The following GFRA1 variants were observed in gnomAD, a reference collection of about 807,000 sequenced individuals.
GFRA1 encodes GDNF family receptor alpha-1.
Under a neutral mutation model 51.6 loss-of-function variants are expected in GFRA1, and 16 were observed. The ratio of observed to expected loss-of-function variants is 0.31; its 90% CI spans 0.21 to 0.47. The LOEUF (loss-of-function observed/expected upper bound fraction) is 0.47, where lower values mean the gene tolerates loss of function less well. Among genes scored for constraint, GFRA1 ranks in the 20% least tolerant of loss-of-function variants. The pLI is 1.00. For synonymous variants in GFRA1, 270 were observed against 241.3 expected (o/e 1.12, Z -1.10); for missense variants, 530 against 594.3 (o/e 0.89, Z 1.13).
chr10:116,174,126 T>C (rs904532295), intron 5 of GFRA1, among the ~76,000 whole-genome samples: 3 of 126,570 alleles, frequency 2.4e-5, no homozygotes, highest in Non-Finnish European at 4.9e-5. Flanking sequence ...CCTGGTCTTT[T>C]CAACAAATTA....
chr10:116,099,388 C>A (rs1198921102), intron 6 of GFRA1, among the ~76,000 whole-genome samples: 2 of 152,144 alleles, frequency 1.3e-5, no homozygotes, highest in Non-Finnish European at 2.9e-5. Context: ...TAGTAAATCC[C>A]ACTGATAAAG....
intron 5 of GFRA1, among the ~76,000 whole-genome samples, chr10:116,129,394 C>G (rs1345942272): frequency 1.3e-5 from 2 of 152,110 alleles, no homozygotes; most frequent in African/African-American, 2.4e-5. Flanking sequence ...ATATGTAATT[C>G]ACTGCACTAA....
chr10:116,191,358 T>C (rs1208168079), intron 5 of GFRA1, among the ~76,000 whole-genome samples: 1 of 152,206 alleles, frequency 6.6e-6, no homozygotes, highest in African/African-American at 2.4e-5. Context: ...TTTCACCATA[T>C]GTTGCCAAAT....
intron 4 of GFRA1, among the ~76,000 whole-genome samples, chr10:116,216,844 A>G (rs1965597737): frequency 6.6e-6 from 1 of 152,018 alleles, no homozygotes; most frequent in South Asian, 2.1e-4. Context: ...AAGGAAGGGA[A>G]CAGCTGGAAT....
chr10:116,212,690 T>C (rs1167785952), intron 4 of GFRA1, among the ~76,000 whole-genome samples: 1 of 152,192 alleles, frequency 6.6e-6, no homozygotes, highest in Non-Finnish European at 1.5e-5. Context: ...TTGGCTTCTT[T>C]TGGAGTCATC....
At position 116,145,127 on chromosome 10, in the gene GFRA1, C is replaced by T. The variant is rs528845564; in HGVS notation, c.434-19570G>A. Among the ~76,000 whole-genome samples the T allele has an allele frequency of 2.4e-3, 210 of 89,262 alleles. 2 individuals are homozygous for T. The highest frequency in any genetic ancestry group is 1.3e-3 in the Admixed American group (7 of 5,370). The allele number at this position is 89,262 out of a possible 152,430, so 58.6% of individuals were successfully genotyped here. A position where few individuals can be genotyped will look rare whatever the true frequency, so the allele number is the denominator to read the frequency against. On this transcript the variant is annotated intron_variant, in intron 5 of 10. Transcript: ENST00000355422. ...TCATGCCACTGCACTCCAGCCTGGG[C>T]GACAGAACGAGACTCTGTCTCAAAA...
Position 116,060,798 on chromosome 10 carries a change from A to C in GFRA1, c.*3600T>G, listed in dbSNP as rs893744023. Reference sequence around the variant, plus strand: ...TTTCTGGTCCACAGTTTATTGATTCAAGTACATCGTGCATGTCTAACTAAC... The same window carrying C: ...TTTCTGGTCCACAGTTTATTGATTCCAGTACATCGTGCATGTCTAACTAAC... On this transcript the variant is annotated 3_prime_UTR_variant, in exon 11 of 11. Transcript: ENST00000355422. The C allele has an allele frequency of 7.0e-6, 1 of 143,758 alleles. No homozygotes were observed. Among genetic ancestry groups the C allele is most frequent in the Non-Finnish European group, 1.5e-5 (1 of 66,922 alleles). The allele number at this position is 143,758 out of a possible 1,614,324, so 8.9% of individuals were successfully genotyped here.
At chr10:116,118,867 G>C (rs1957534040) in intron 6 of GFRA1, among the ~76,000 whole-genome samples, 1 of 152,216 alleles carries the variant, frequency 6.6e-6, no homozygotes, top group African/African-American at 2.4e-5. Flanking sequence ...CTGAGCTTGG[G>C]CAGATGCAGG....
intron 6 of GFRA1, among the ~76,000 whole-genome samples, chr10:116,103,958 A>C (rs959583758): frequency 3.9e-5 from 6 of 152,132 alleles, no homozygotes; most frequent in African/African-American, 1.2e-4. Context: ...TTTGCCTAGG[A>C]GTAGGCTACG....
At chr10:116,128,989 A>G (rs1957992366) in intron 5 of GFRA1, among the ~76,000 whole-genome samples, 1 of 152,084 alleles carries the variant, frequency 6.6e-6, no homozygotes, top group Admixed American at 6.6e-5. Context: ...ATTTTCATCT[A>G]TATATAACTC....
At position 116,059,981 on chromosome 10, in the gene GFRA1, A is replaced by C. The variant is rs1051007381; in HGVS notation, c.*4417T>G. 6.6e-6 allele frequency: 1 copy of C among 152,224 alleles called. No homozygotes were observed. The highest frequency in any genetic ancestry group is 1.5e-5 in the Non-Finnish European group (1 of 68,034). The allele number at this position is 152,224 out of a possible 1,614,324, so 9.4% of individuals were successfully genotyped here. ...AATTGGGGAGGGCAATACTTAGGCA[A>C]TAAAGAACAAGGTGGTGGAGGGAGG... On this transcript the variant is annotated 3_prime_UTR_variant, in exon 11 of 11. Transcript: ENST00000355422.
chr10:116,143,037 A>G (rs1958638023), intron 5 of GFRA1, among the ~76,000 whole-genome samples: 1 of 152,240 alleles, frequency 6.6e-6, no homozygotes, highest in African/African-American at 2.4e-5. Flanking sequence ...TTACTTGATG[A>G]AAACACTCCA....
intron 4 of GFRA1, among the ~76,000 whole-genome samples, chr10:116,249,812 C>T (rs972339780): frequency 2.0e-5 from 3 of 152,152 alleles, no homozygotes; most frequent in East Asian, 1.9e-4. Context: ...CAGATGGGGT[C>T]CTTGCTTGTA....
At chr10:116,071,881 A>T (rs1030809299) in intron 9 of GFRA1, among the ~76,000 whole-genome samples, 1 of 151,868 alleles carries the variant, frequency 6.6e-6, no homozygotes, top group Non-Finnish European at 1.5e-5. Flanking sequence ...GAGTCTATTG[A>T]TTGGAGTTCC....
chr10:116,211,733 G>T, intron 4 of GFRA1, 88 bp from the exon 5 acceptor site: 2 of 1,085,474 alleles, frequency 1.8e-6, no homozygotes, highest in South Asian at 1.4e-5. Flanking sequence ...AGGACAGTAT[G>T]ATGATGACAT....
intron 4 of GFRA1, among the ~76,000 whole-genome samples, chr10:116,251,655 G>A (rs1481842561): frequency 6.6e-6 from 1 of 152,210 alleles, no homozygotes; most frequent in Non-Finnish European, 1.5e-5. Context: ...ACTTCAGCCA[G>A]TAGAGTTCCT....
intron 5 of GFRA1, among the ~76,000 whole-genome samples, chr10:116,192,745 C>A (rs1963386387): frequency 6.6e-6 from 1 of 152,100 alleles, no homozygotes; most frequent in Non-Finnish European, 1.5e-5. Context: ...CGGGGCTGAA[C>A]CCTCCACAGT....
At chr10:116,109,912 C>T (rs1427712908) in intron 6 of GFRA1, among the ~76,000 whole-genome samples, 6 of 152,152 alleles carry the variant, frequency 3.9e-5, no homozygotes, top group African/African-American at 1.4e-4. Flanking sequence ...GTATAAAACA[C>T]AGACACTTCC....
intron 5 of GFRA1, among the ~76,000 whole-genome samples, chr10:116,143,618 A>G (rs149872361): frequency 0.018 from 2,689 of 151,486 alleles, 34 homozygotes; most frequent in Middle Eastern, 0.058. Context: ...AGAGAAAAAG[A>G]TACCAGCTGG....
Sources: allele counts gnomAD v4.1 joint callset (sites outside exome capture counted in the v4.1 genomes callset), GRCh38; gene constraint gnomAD v4.1.1; transcripts MANE v1.5; gene names NCBI Gene and HGNC (gene_info 2026-07-23, HGNC 2026-07-21).